The following ZSWIM3 variants were observed in gnomAD, a reference collection of about 807,000 sequenced individuals.
ZSWIM3 encodes zinc finger SWIM-type containing 3.
A neutral mutation model predicts 47.5 loss-of-function variants in ZSWIM3; 27 were observed. The ratio of observed to expected loss-of-function variants is 0.57; its 90% confidence interval spans 0.42 to 0.78. The LOEUF (loss-of-function observed/expected upper bound fraction) is 0.78, where lower values mean the gene tolerates loss of function less well. Among genes scored for constraint, ZSWIM3 ranks in the 30% least tolerant of loss-of-function variants. The pLI is 0.00. For missense variants in ZSWIM3, 689 were observed against 861.3 expected (o/e 0.80, Z 2.50); for synonymous variants, 333 against 333.9 (o/e 1.00, Z 0.03).
Position 45,877,867 on chromosome 20 carries a change from C to T in ZSWIM3, c.1309C>T (p.Pro437Ser). ...NTKGLKNLPT[P>S]PPKLKRARPA... ...CAAAGGCTTGAAGAACTTGCCCACA[C>T]CTCCTCCCAAATTAAAGAGAGCTCG... The change falls in exon 2 of 2, where the codon CCT becomes TCT. Residue 437 changes from proline (P) to serine (S), a missense_variant. By Grantham distance (74) the Pro-to-Ser change is moderately conservative. Coordinates refer to ENST00000255152, the MANE Select transcript of ZSWIM3 (RefSeq NM_080752.4). 1 of 1,614,160 alleles carries T rather than the reference C, an allele frequency of 6.2e-7. No individual in the cohort carries two copies. Among genetic ancestry groups the T allele is most frequent in the Non-Finnish European group, 8.5e-7 (1 of 1,180,034 alleles).
In ZSWIM3 at chr20:45,879,022, G is replaced by A. The variant is rs144356411; in HGVS notation, c.*373G>A. The A allele has an allele frequency of 7.5e-5, 14 of 186,222 alleles. No individual in the cohort carries two copies. The East Asian group carries it at 1.9e-3, about 26-fold the overall frequency. The allele number at this position is 186,222 out of a possible 1,614,324, so 11.5% of individuals were successfully genotyped here. ...TCTGGTAAAAGGGCCTGTTTTCAGG[G>A]ACAAAGGGAATGAGGATGATCTTTG... On this transcript the variant is annotated 3_prime_UTR_variant, in exon 2 of 2. Coordinates refer to ENST00000255152, the MANE Select transcript of ZSWIM3 (RefSeq NM_080752.4).
rs1413236977 is a variant in ZSWIM3, at chr20:45,879,023, A to T, written c.*374A>T. The stretch of plus-strand genomic sequence containing the variant: ...CTGGTAAAAGGGCCTGTTTTCAGGG[A>T]CAAAGGGAATGAGGATGATCTTTGG... On this transcript the variant is annotated 3_prime_UTR_variant, in exon 2 of 2. Transcript: ENST00000255152. 5.4e-6 allele frequency: 1 copy of T among 185,888 alleles called. No individual in the cohort carries two copies. Among genetic ancestry groups the T allele is most frequent in the Non-Finnish European group, 1.1e-5 (1 of 89,624 alleles). 11.5% of individuals were successfully genotyped at this position (185,888 alleles called of 1,614,324 possible).
intron 1 of ZSWIM3, among the ~76,000 whole-genome samples, chr20:45,876,103 C>T (rs1029263808): frequency 6.6e-6 from 1 of 151,642 alleles, no homozygotes; most frequent in Non-Finnish European, 1.5e-5. Flanking sequence ...AGTGCAATGG[C>T]GCGATCTCAG....
Position 45,872,978 on chromosome 20 carries a change from G to A in ZSWIM3, c.156-3736G>A, listed in dbSNP as rs1348879775. On this transcript the variant is annotated intron_variant, in intron 1 of 1. Transcript: ENST00000255152. ...AGGTGGAGTTTCTAGGCTATGCCAC[G>A]TCAGGCCAGGGGGTGAGATTTTTTT... Among the ~76,000 whole-genome samples the A allele has an allele frequency of 5.3e-5, 8 of 152,170 alleles. No individual in the cohort carries two copies. In the East Asian group the frequency reaches 9.6e-4, roughly 18 times the overall value.
At position 45,873,393 on chromosome 20, in the gene ZSWIM3, C is replaced by T. The variant is rs796550010; in HGVS notation, c.156-3321C>T. On this transcript the variant is annotated intron_variant, in intron 1 of 1. Transcript: ENST00000255152. ...TCCAGCCTGGGCAACAAGAGTGAAA[C>T]GCCATCTCAAAAAAAAAAGCATCTG... Among the ~76,000 whole-genome samples, 30 of 151,778 alleles carry T rather than the reference C, an allele frequency of 2.0e-4. 1 individual carries two copies. The highest frequency in any genetic ancestry group is 7.2e-4 in the African/African-American group (30 of 41,384).
intron 1 of ZSWIM3, among the ~76,000 whole-genome samples, chr20:45,858,388 T>C (rs1985601427): frequency 6.6e-6 from 1 of 152,160 alleles, no homozygotes; most frequent in Non-Finnish European, 1.5e-5. Context: ...AGTTTTTAGT[T>C]CTTATATATT....
intron 1 of ZSWIM3, among the ~76,000 whole-genome samples, chr20:45,872,325 C>T (rs1389713048): frequency 6.6e-6 from 1 of 152,200 alleles, no homozygotes; most frequent in Admixed American, 6.5e-5. Context: ...CTGGGAGGGG[C>T]AGACATAAAT....
At chr20:45,874,841 G>A (rs977402294) in intron 1 of ZSWIM3, among the ~76,000 whole-genome samples, 3 of 151,994 alleles carry the variant, frequency 2.0e-5, no homozygotes, top group South Asian at 4.1e-4. Context: ...TTAGAAGTGC[G>A]GTAGAGGAAT....
At chr20:45,861,155 C>T (rs61575830) in intron 1 of ZSWIM3, among the ~76,000 whole-genome samples, 2,124 of 152,196 alleles carry the variant, frequency 0.014, 67 homozygotes, top group East Asian at 0.13. Flanking sequence ...GCAGCTCACA[C>T]GTATAATTCC....
intron 1 of ZSWIM3, among the ~76,000 whole-genome samples, chr20:45,861,426 T>TA (rs11475720): frequency 6.5e-4 from 87 of 134,758 alleles, no homozygotes; most frequent in South Asian, 1.2e-3. Flanking sequence ...ATCCTGTCTC[T>TA]AAAAAAAAAA....
intron 1 of ZSWIM3, among the ~76,000 whole-genome samples, chr20:45,870,755 G>A (rs577278659): frequency 8.6e-4 from 131 of 151,772 alleles, no homozygotes; most frequent in African/African-American, 2.7e-3. Context: ...GTGCAGTGGC[G>A]TGATCTTGAC....
chr20:45,860,748 CCCAGATAATT>C (rs1289353602), intron 1 of ZSWIM3, among the ~76,000 whole-genome samples: 1 of 152,112 alleles, frequency 6.6e-6, no homozygotes, highest in Non-Finnish European at 1.5e-5. Flanking sequence ...CCCAGATAAT[CCCAGATAATT>C]TCCCTATTTT....
At chr20:45,871,602 A>T (rs553905931) in intron 1 of ZSWIM3, among the ~76,000 whole-genome samples, 5 of 152,230 alleles carry the variant, frequency 3.3e-5, no homozygotes, top group African/African-American at 1.2e-4. Flanking sequence ...CAAATACTGT[A>T]CAAGTTGTTC....
intron 1 of ZSWIM3, among the ~76,000 whole-genome samples, chr20:45,874,407 G>A (rs1047524081): frequency 6.6e-6 from 1 of 152,202 alleles, no homozygotes; most frequent in Non-Finnish European, 1.5e-5. Flanking sequence ...AGCTACTCGA[G>A]AGGCTGAGGC....
chr20:45,861,727 C>T (rs117650271), intron 1 of ZSWIM3, among the ~76,000 whole-genome samples: 2,206 of 152,018 alleles, frequency 0.015, 25 homozygotes, highest in South Asian at 0.044. Flanking sequence ...GGTATGCACC[C>T]CCATGCCAGG....
chr20:45,876,831 A>G lies in ZSWIM3; in HGVS notation c.273A>G (p.Leu91=), dbSNP rs770521755. 6 of 1,614,174 alleles carry G rather than the reference A, an allele frequency of 3.7e-6. No homozygotes were observed. The highest frequency in any genetic ancestry group is 1.1e-5 in the South Asian group (1 of 91,078). ...LLRYNERLDR[L]FISELNTQHI... ...GGTACAACGAGAGACTAGATAGACTATTTATCAGTGAACTAAACACACAGC... is the reference window on the plus strand; with the variant it reads ...GGTACAACGAGAGACTAGATAGACTGTTTATCAGTGAACTAAACACACAGC... Residue 91 remains leucine (L), a synonymous_variant, in exon 2 of 2, where the codon CTA becomes CTG. Coordinates refer to ENST00000255152, the MANE Select transcript of ZSWIM3 (RefSeq NM_080752.4).
Position 45,877,260 on chromosome 20 carries a change from C to G in ZSWIM3, c.702C>G (p.Leu234=), listed in dbSNP as rs762881127. ...HRVENTQGHI[L]YAFLVENKER... ...TGGAGAACACCCAGGGCCACATCCT[C>G]TATGCTTTCTTGGTGGAGAACAAGG... The change falls in exon 2 of 2, where the codon CTC becomes CTG. Residue 234 remains leucine (L), a synonymous_variant. Coordinates refer to ENST00000255152, the MANE Select transcript of ZSWIM3 (RefSeq NM_080752.4). The G allele has an allele frequency of 1.2e-6, 2 of 1,614,098 alleles. No homozygotes were observed. The highest frequency in any genetic ancestry group is 2.2e-5 in the East Asian group (1 of 44,884).
At position 45,878,936 on chromosome 20, in the gene ZSWIM3, CA is replaced by C; in HGVS notation, c.*288del. The C allele has an allele frequency of 2.7e-6, 1 of 376,606 alleles. No homozygotes were observed. The highest frequency in any genetic ancestry group is 4.0e-5 in the South Asian group (1 of 24,924). The allele number at this position is 376,606 out of a possible 1,614,324, so 23.3% of individuals were successfully genotyped here. A position where few individuals can be genotyped will look rare whatever the true frequency, so the allele number is the denominator to read the frequency against. ...CTCTTCCTCCCCCAGCCCCTGAGAT[CA>C]GATCTTATTTGCTCTGCAAAGATGA... On this transcript the variant is annotated 3_prime_UTR_variant, in exon 2 of 2. Coordinates refer to ENST00000255152, the MANE Select transcript of ZSWIM3 (RefSeq NM_080752.4).
At chr20:45,875,592 C>T (rs1468298602) in intron 1 of ZSWIM3, among the ~76,000 whole-genome samples, 3 of 152,098 alleles carry the variant, frequency 2.0e-5, no homozygotes, top group East Asian at 3.9e-4. Flanking sequence ...ACCTCTGCCT[C>T]CCAGGTTCAA....
Sources: gnomAD v4.1 joint callset for allele counts (sites outside exome capture counted in the v4.1 genomes callset) on GRCh38, gnomAD v4.1.1 for gene constraint, MANE v1.5 for transcripts, NCBI Gene and HGNC (gene_info 2026-07-23, HGNC 2026-07-21) for gene names.